The following STEAP4 variants were observed in gnomAD, a reference collection of about 807,000 sequenced individuals.
STEAP4 encodes STEAP4 metalloreductase.
Under a neutral mutation model 43.6 loss-of-function variants are expected in STEAP4, and 36 were observed. The ratio of observed to expected loss-of-function variants is 0.83; its 90% CI spans 0.63 to 1.09. STEAP4 has a LOEUF of 1.09. Among genes scored for constraint, STEAP4 ranks in the 50% least tolerant of loss-of-function variants. The probability of loss-of-function intolerance (pLI) is 0.00; values close to 1 mark genes in which losing one functional copy is unlikely to be tolerated. For synonymous variants in STEAP4, 191 were observed against 196.7 expected (o/e 0.97, Z 0.24); for missense variants, 495 against 546.5 (o/e 0.91, Z 0.94).
At chr7:88,281,713 G>A (rs1852623978) in intron 3 of STEAP4, 1 of 152,134 alleles carries the variant, frequency 6.6e-6, no homozygotes, top group Admixed American at 6.6e-5. Context: ...CTGACTTATA[G>A]CACTTCCTCT....
chr7:88,284,306 T>G, intron 1 of STEAP4, 35 bp from the exon 2 acceptor site: 1 of 1,420,064 alleles, frequency 7.0e-7, no homozygotes, highest in South Asian at 1.3e-5. Context: ...CAACAAAATA[T>G]AAATGCTCTG....
intron 1 of STEAP4, among the ~76,000 whole-genome samples, chr7:88,302,159 A>G (rs1462186489): frequency 6.6e-6 from 1 of 152,220 alleles, no homozygotes; most frequent in Non-Finnish European, 1.5e-5. Context: ...GGCAGCATCC[A>G]TACTCATTAT....
chr7:88,279,254 G>A lies in STEAP4; in HGVS notation c.*144C>T, dbSNP rs1370856857. The A allele has an allele frequency of 4.4e-6, 3 of 684,194 alleles. No individual in the cohort carries two copies. Among genetic ancestry groups the A allele is most frequent in the East Asian group, 2.7e-5 (1 of 36,742 alleles). 42.4% of individuals were successfully genotyped at this position (684,194 alleles called of 1,614,324 possible). On this transcript the variant is annotated 3_prime_UTR_variant, in exon 5 of 5. Transcript: ENST00000380079. ...ATGTCAGTCAATTTCTCAAAGACAA[G>A]CAATGTTTCCCTCAGTCACGGTGTA...
intron 1 of STEAP4, among the ~76,000 whole-genome samples, chr7:88,305,776 C>G (rs994357674): frequency 2.0e-5 from 3 of 147,924 alleles, no homozygotes; most frequent in African/African-American, 4.9e-5. Context: ...CACGGCTTTT[C>G]ACCTTGTTAG....
At chr7:88,296,161 C>T (rs1298172601) in intron 1 of STEAP4, among the ~76,000 whole-genome samples, 1 of 152,132 alleles carries the variant, frequency 6.6e-6, no homozygotes, top group African/African-American at 2.4e-5. Flanking sequence ...CTACTCGGTA[C>T]CCCTAATAGC....
intron 2 of STEAP4, 141 bp from the exon 3 acceptor site, chr7:88,283,309 T>A (rs1852662751): frequency 1.1e-6 from 1 of 913,006 alleles, no homozygotes. Flanking sequence ...AGAATTAACA[T>A]ATGTAACAAG....
At chr7:88,279,766 G>GA (rs1852586072) in intron 4 of STEAP4, 138 bp from the exon 5 acceptor site, 1 of 677,722 alleles carries the variant, frequency 1.5e-6, no homozygotes, top group East Asian at 2.7e-5. Flanking sequence ...GCCAAGTACT[G>GA]AAAAAAAGCA....
At chr7:88,281,241 A>G (rs1011792477) in intron 3 of STEAP4, among the ~76,000 whole-genome samples, 162 bp from the exon 4 acceptor site, 5 of 152,208 alleles carry the variant, frequency 3.3e-5, no homozygotes, top group African/African-American at 4.8e-5. Context: ...TACACTTAGA[A>G]ATTATATTTT....
At chr7:88,300,156 A>G (rs1853006370) in intron 1 of STEAP4, among the ~76,000 whole-genome samples, 2 of 152,204 alleles carry the variant, frequency 1.3e-5, no homozygotes, top group Non-Finnish European at 2.9e-5. Context: ...GAGCATTGCT[A>G]GTTGATAAAT....
In STEAP4 at chr7:88,282,915, C is replaced by T. The variant is rs375196646; in HGVS notation, c.710G>A (p.Arg237His). 3.6e-5 allele frequency: 58 copies of T among 1,613,972 alleles called. No individual in the cohort carries two copies. The Middle Eastern group carries it at 4.9e-4, about 14-fold the overall frequency. The change falls in exon 3 of 5, where the codon CGT becomes CAT. Residue 237 changes from arginine (R) to histidine (H), a missense_variant. By Grantham distance (29) the Arg-to-His change is conservative (BLOSUM62 0). Transcript: ENST00000380079. ...ACGATTTGGAATGGAAATAGCCATA[C>T]GAAATGTATTATCTTTCTTTTCATA... ...YVYEKKDNTFRMAISIPNRIF... is the reference protein window; with the variant it reads ...YVYEKKDNTFHMAISIPNRIF...
At chr7:88,299,289 G>C (rs1563504180) in intron 1 of STEAP4, among the ~76,000 whole-genome samples, 2 of 152,118 alleles carry the variant, frequency 1.3e-5, no homozygotes, top group Non-Finnish European at 2.9e-5. Context: ...ATAATTCTCT[G>C]GCCAAGAATT....
rs1852528606 is a variant in STEAP4, at chr7:88,277,368, A to T, written c.*2030T>A. Reference sequence around the variant, plus strand: ...ATTGAAATAAAAAAGACAATCTACAATGGTGCGATGAAAGCAACACCCTCA... The same window carrying T: ...ATTGAAATAAAAAAGACAATCTACATTGGTGCGATGAAAGCAACACCCTCA... On this transcript the variant is annotated 3_prime_UTR_variant, in exon 5 of 5. Transcript: ENST00000380079. The T allele has an allele frequency of 6.6e-6, 1 of 152,186 alleles. No homozygotes were observed. Among genetic ancestry groups the T allele is most frequent in the African/African-American group, 2.4e-5 (1 of 41,444 alleles). 9.4% of individuals were successfully genotyped at this position (152,186 alleles called of 1,614,324 possible).
In STEAP4 at chr7:88,275,929, A is replaced by C. The variant is rs1332050541; in HGVS notation, c.*3469T>G. The C allele has an allele frequency of 6.6e-6, 1 of 151,864 alleles. No homozygotes were observed. Among genetic ancestry groups the C allele is most frequent in the Non-Finnish European group, 1.5e-5 (1 of 67,976 alleles). 9.4% of individuals were successfully genotyped at this position (151,864 alleles called of 1,614,324 possible). ...CCTCCAGGTTGTCAGTCCTCTCTTT[A>C]TTTGTAAGTTTTAATACTATTTTTG... is the stretch of plus-strand genomic sequence containing the variant. On this transcript the variant is annotated 3_prime_UTR_variant, in exon 5 of 5. Coordinates refer to ENST00000380079, the MANE Select transcript of STEAP4 (RefSeq NM_024636.4).
rs374262877 is a variant in STEAP4 at position 88,303,317 on chromosome 7, G to A, written c.-3+3475C>T. ...TCCAGACAAGCCTGGCCAACACGGC[G>A]AAACCCCTTCTCTACTAAACATAAA... On this transcript the variant is annotated intron_variant, in intron 1 of 4. Coordinates refer to ENST00000380079, the MANE Select transcript of STEAP4 (RefSeq NM_024636.4). Among the ~76,000 whole-genome samples, 557 of 151,498 alleles carry A rather than the reference G, an allele frequency of 3.7e-3. 5 individuals are homozygous for A. Among genetic ancestry groups the A allele is most frequent in the African/African-American group, 0.013 (531 of 41,280 alleles).
intron 1 of STEAP4, among the ~76,000 whole-genome samples, chr7:88,304,865 A>C (rs1181495667): frequency 6.6e-6 from 1 of 152,178 alleles, no homozygotes; most frequent in Non-Finnish European, 1.5e-5. Flanking sequence ...TTTTAATAAC[A>C]GTATTAATAA....
chr7:88,285,651 AC>A (rs1445719275), intron 1 of STEAP4, among the ~76,000 whole-genome samples: 1 of 151,746 alleles, frequency 6.6e-6, no homozygotes, highest in Non-Finnish European at 1.5e-5. Flanking sequence ...TCCCATCTCT[AC>A]TAAAAATACA....
chr7:88,279,756 G>T (rs951857732), intron 4 of STEAP4, 128 bp from the exon 5 acceptor site: 21 of 731,362 alleles, frequency 2.9e-5, no homozygotes, highest in Non-Finnish European at 3.7e-5. Context: ...AGGACACTTT[G>T]CCAAGTACTG....
chr7:88,278,061 G>GT lies in STEAP4; in HGVS notation c.*1336dup, dbSNP rs1372836882. Reference sequence around the variant, plus strand: ...TCATGTATAATATGTTATAATGAAAGTAAAAAAAAAAAAAGGTCTTAGCAG... The same window carrying GT: ...TCATGTATAATATGTTATAATGAAAGTTAAAAAAAAAAAAAGGTCTTAGCAG... On this transcript the variant is annotated 3_prime_UTR_variant, in exon 5 of 5. Transcript: ENST00000380079. 2.0e-5 allele frequency: 3 copies of GT among 147,588 alleles called. No homozygotes were observed. Among genetic ancestry groups the GT allele is most frequent in the South Asian group, 2.1e-4 (1 of 4,684 alleles). 9.1% of individuals were successfully genotyped at this position (147,588 alleles called of 1,614,324 possible).
intron 1 of STEAP4, among the ~76,000 whole-genome samples, chr7:88,303,184 TAAAA>T (rs112528523): frequency 9.8e-6 from 1 of 101,692 alleles, no homozygotes; most frequent in African/African-American, 3.5e-5. Context: ...TAATCTGCAT[TAAAA>T]AAAAAAAAAA....
Sources: gnomAD v4.1 joint callset for allele counts (sites outside exome capture counted in the v4.1 genomes callset) on GRCh38, gnomAD v4.1.1 for gene constraint, MANE v1.5 for transcripts, NCBI Gene and HGNC (gene_info 2026-07-23, HGNC 2026-07-21) for gene names.